SBF2: variants seen among roughly 807,000 people sequenced by gnomAD.
SBF2 encodes SET binding factor 2, also known as myotubularin-related protein 13.
In SBF2, 112 loss-of-function variants were observed where a neutral mutation model predicts 225.2. The ratio of observed to expected loss-of-function variants is 0.50; its 90% confidence interval spans 0.43 to 0.58. The LOEUF (loss-of-function observed/expected upper bound fraction) is 0.58, where lower values mean the gene tolerates loss of function less well. Ranked by LOEUF, SBF2 falls within the 20% of genes least tolerant of loss-of-function variation. The probability of loss-of-function intolerance (pLI) is 0.00; values close to 1 mark genes in which losing one functional copy is unlikely to be tolerated. For missense variants in SBF2, 1,996 were observed against 2,206.2 expected (o/e 0.90, Z 1.91); for synonymous variants, 763 against 773.3 (o/e 0.99, Z 0.22).
At chr11:10,031,407 C>A (rs1411366332) in intron 3 of SBF2, among the ~76,000 whole-genome samples, 1 of 152,162 alleles carries the variant, frequency 6.6e-6, no homozygotes. Flanking sequence ...AAGCTCCAGA[C>A]ATATAACACA....
intron 29 of SBF2, among the ~76,000 whole-genome samples, chr11:9,816,246 A>T (rs1453632824): frequency 1.3e-5 from 2 of 152,238 alleles, no homozygotes; most frequent in Middle Eastern, 3.2e-3. Flanking sequence ...TCTTTAGCGC[A>T]ACAATTTAAC....
intron 1 of SBF2, among the ~76,000 whole-genome samples, chr11:10,243,357 C>T (rs11824082): frequency 0.011 from 1,618 of 150,988 alleles, 34 homozygotes; most frequent in African/African-American, 0.037. Context: ...ATGATAAATG[C>T]CTACATTAAA....
At chr11:9,961,760 A>G in intron 16 of SBF2, 197 bp downstream of exon 16, 1 of 516,674 alleles carries the variant, frequency 1.9e-6, no homozygotes, top group Non-Finnish European at 3.4e-6. Flanking sequence ...CAAAGAGAAA[A>G]CAAAGAAAGA....
At chr11:10,132,569 TG>T (rs1310417146) in intron 2 of SBF2, among the ~76,000 whole-genome samples, 1 of 148,294 alleles carries the variant, frequency 6.7e-6, no homozygotes, top group Non-Finnish European at 1.5e-5. Flanking sequence ...TTCCTCCCGG[TG>T]GGCTCGTGGT....
intron 3 of SBF2, among the ~76,000 whole-genome samples, chr11:10,034,634 T>A (rs1312955056): frequency 6.6e-6 from 1 of 152,218 alleles, no homozygotes; most frequent in Non-Finnish European, 1.5e-5. Flanking sequence ...ACACTAAAAA[T>A]CTTCCCGCAG....
At chr11:10,120,018 G>A (rs1333676412) in intron 2 of SBF2, among the ~76,000 whole-genome samples, 1 of 152,132 alleles carries the variant, frequency 6.6e-6, no homozygotes, top group Non-Finnish European at 1.5e-5. Flanking sequence ...TGTGTACACT[G>A]TTGTGCAACA....
chr11:9,842,079 GTCAC>G (rs1483588724), intron 25 of SBF2, among the ~76,000 whole-genome samples: 2 of 152,174 alleles, frequency 1.3e-5, no homozygotes, highest in African/African-American at 4.8e-5. Context: ...ATGGGAAACA[GTCAC>G]TCAGAGATTT....
chr11:9,825,295 G>C (rs371797327), intron 28 of SBF2, among the ~76,000 whole-genome samples: 1 of 152,194 alleles, frequency 6.6e-6, no homozygotes, highest in African/African-American at 2.4e-5. Context: ...CAATGCCAAA[G>C]ATGGCCAGCA....
At chr11:9,942,316 G>A (rs1158133099) in intron 16 of SBF2, among the ~76,000 whole-genome samples, 2 of 152,100 alleles carry the variant, frequency 1.3e-5, no homozygotes, top group African/African-American at 4.8e-5. Context: ...GCCTCCCAAG[G>A]TGCTGGGACT....
At chr11:10,095,951 T>C (rs990092864) in intron 2 of SBF2, among the ~76,000 whole-genome samples, 1 of 152,184 alleles carries the variant, frequency 6.6e-6, no homozygotes, top group African/African-American at 2.4e-5. Context: ...TATTTTTATT[T>C]CAACCTGCCA....
intron 2 of SBF2, among the ~76,000 whole-genome samples, chr11:10,049,662 T>A (rs538565209): frequency 8.5e-5 from 13 of 152,160 alleles, no homozygotes; most frequent in Non-Finnish European, 1.8e-4. Flanking sequence ...TAAAACCACA[T>A]AAAACTCTTT....
chr11:10,104,417 G>A (rs553904581), intron 2 of SBF2, among the ~76,000 whole-genome samples: 8 of 152,344 alleles, frequency 5.3e-5, no homozygotes, highest in Admixed American at 2.0e-4. Context: ...TTCTTTGTCT[G>A]GAAATCTGAG....
intron 32 of SBF2, among the ~76,000 whole-genome samples, chr11:9,807,509 T>C (rs930381080): frequency 6.6e-6 from 1 of 152,178 alleles, no homozygotes; most frequent in Non-Finnish European, 1.5e-5. Flanking sequence ...TTCCATGGTA[T>C]ATATGTACCA....
At position 9,809,177 on chromosome 11, in the gene SBF2, C is replaced by T. The variant is rs1039180885; in HGVS notation, c.4156-175G>A. On this transcript the variant is annotated intron_variant, in intron 30 of 39. Transcript: ENST00000256190. ...CTTTCAAATCAAGATTAAACAATGA[C>T]ACTTTTGACTGGATGCAATGACTCA... 1.0e-5 allele frequency: 6 copies of T among 578,076 alleles called. No individual in the cohort carries two copies. The African/African-American group carries it at 1.1e-4, about 11-fold the overall frequency. The allele number at this position is 578,076 out of a possible 1,614,324, so 35.8% of individuals were successfully genotyped here. A position where few individuals can be genotyped will look rare whatever the true frequency, so the allele number is the denominator to read the frequency against.
intron 6 of SBF2, among the ~76,000 whole-genome samples, chr11:10,006,760 T>C (rs980833064): frequency 6.6e-6 from 1 of 152,212 alleles, no homozygotes; most frequent in Non-Finnish European, 1.5e-5. Context: ...ATCACTTCCA[T>C]GCCCTTCTCA....
intron 2 of SBF2, among the ~76,000 whole-genome samples, chr11:10,047,537 G>A (rs1949908885): frequency 6.6e-6 from 1 of 152,174 alleles, no homozygotes; most frequent in South Asian, 2.1e-4. Flanking sequence ...TCCAGTGGAC[G>A]TAAATGTTAG....
intron 26 of SBF2, chr11:9,839,001 A>T (rs1855914397): frequency 5.6e-6 from 1 of 177,544 alleles, no homozygotes; most frequent in African/African-American, 2.4e-5. Context: ...AGCAAATTAT[A>T]GCCTGTGGGC....
intron 1 of SBF2, among the ~76,000 whole-genome samples, chr11:10,261,075 G>C (rs182105922): frequency 3.3e-4 from 51 of 152,268 alleles, no homozygotes; most frequent in Non-Finnish European, 6.6e-4. Flanking sequence ...TCATTAATCA[G>C]CAGAGAAAAC....
At chr11:10,268,376 A>G (rs1029732243) in intron 1 of SBF2, among the ~76,000 whole-genome samples, 2 of 152,234 alleles carry the variant, frequency 1.3e-5, no homozygotes, top group Non-Finnish European at 2.9e-5. Flanking sequence ...GCTTGAAGAA[A>G]AAAAATAGAG....
Sources: gnomAD v4.1 joint callset for allele counts (sites outside exome capture counted in the v4.1 genomes callset) on GRCh38, gnomAD v4.1.1 for gene constraint, MANE v1.5 for transcripts, NCBI Gene and HGNC (gene_info 2026-07-23, HGNC 2026-07-21) for gene names.